Variants in CUX1 observed in about 807,000 individuals in gnomAD.
CUX1 encodes cut like homeobox 1, also known as protein CASP.
CUX1 carries 31 observed loss-of-function variants against 158.8 expected under a neutral mutation model. The ratio of observed to expected loss-of-function variants is 0.20; its 90% confidence interval spans 0.15 to 0.26. The LOEUF is 0.26. CUX1 is among the 10% of genes least tolerant of loss of function. The pLI is 1.00. For synonymous variants in CUX1, 879 were observed against 862.1 expected (o/e 1.02, Z -0.34); for missense variants, 1,589 against 2,014.6 (o/e 0.79, Z 4.04).
intron 3 of CUX1, among the ~76,000 whole-genome samples, chr7:102,036,487 C>T (rs1821433289): frequency 2.0e-5 from 3 of 152,082 alleles, no homozygotes; most frequent in African/African-American, 7.2e-5. Context: ...TACCCGTAAT[C>T]CCAGCACTTT....
chr7:101,834,911 T>A (rs957666090), intron 1 of CUX1, among the ~76,000 whole-genome samples: 21 of 151,956 alleles, frequency 1.4e-4, no homozygotes, highest in African/African-American at 4.6e-4. Context: ...CAGGAGAATC[T>A]CTTGAACCCG....
At chr7:102,220,408 T>C (rs1211787431) in intron 20 of CUX1, among the ~76,000 whole-genome samples, 1 of 152,188 alleles carries the variant, frequency 6.6e-6, no homozygotes, top group Non-Finnish European at 1.5e-5. Context: ...TGTTCCCCTT[T>C]GATGCTGAGA....
chr7:101,817,444 G>C, upstream of CUX1: 1 of 984,270 alleles, frequency 1.0e-6, no homozygotes, highest in Non-Finnish European at 1.2e-6. This position sits in a 1 kb window ranked among gnomAD's most constrained non-coding sequence, Gnocchi z 4.1. Context: ...GCGGTGGTCC[G>C]CGCGCGGAGT....
chr7:101,819,765 CTT>C (rs1377049145), intron 1 of CUX1, among the ~76,000 whole-genome samples: 2 of 152,042 alleles, frequency 1.3e-5, no homozygotes, highest in African/African-American at 4.8e-5. Flanking sequence ...ATGTGAAACT[CTT>C]TTTTTCCTTA....
At chr7:102,040,881 C>T (rs1821982646) in intron 3 of CUX1, among the ~76,000 whole-genome samples, 1 of 152,188 alleles carries the variant, frequency 6.6e-6, no homozygotes, top group Non-Finnish European at 1.5e-5. Flanking sequence ...AGATCCTCCC[C>T]CAAGGAGCTC....
At chr7:101,878,114 C>A (rs150314283) in intron 1 of CUX1, among the ~76,000 whole-genome samples, 141 of 152,340 alleles carry the variant, frequency 9.3e-4, no homozygotes, top group African/African-American at 3.3e-3. Context: ...AATGCTAATT[C>A]TTTCATGATT....
intron 2 of CUX1, among the ~76,000 whole-genome samples, chr7:101,974,245 G>A (rs1812374256): frequency 6.6e-6 from 1 of 151,978 alleles, no homozygotes; most frequent in Non-Finnish European, 1.5e-5. Flanking sequence ...AAGAACAAAT[G>A]ACTTGACCAT....
intron 1 of CUX1, among the ~76,000 whole-genome samples, chr7:101,857,568 C>A (rs1407813607): frequency 6.6e-6 from 1 of 152,144 alleles, no homozygotes; most frequent in African/African-American, 2.4e-5. Flanking sequence ...GATGAATTTG[C>A]TGGGTTACTT....
At chr7:102,161,461 T>C (rs1554507129) in intron 9 of CUX1, 2 of 152,082 alleles carry the variant, frequency 1.3e-5, no homozygotes. Context: ...TGGTGAGGGG[T>C]AGAGGTGAGT....
In CUX1 at chr7:102,201,888, G is replaced by T. The variant is rs748035791; in HGVS notation, c.2591G>T (p.Arg864Leu). Reference sequence around the variant, plus strand: ...GGCAGCGGAGGTGGCAGCCAGCCTCGGGCCGAGCGCAGTCAGCTCCAGGGA... The same window carrying T: ...GGCAGCGGAGGTGGCAGCCAGCCTCTGGCCGAGCGCAGTCAGCTCCAGGGA... Reference protein sequence around the residue: ...SGGSGGGSQPRAERSQLQGPS... With the variant: ...SGGSGGGSQPLAERSQLQGPS... Residue 864 changes from arginine (R) to leucine (L), a missense_variant, in exon 18 of 24, where the codon CGG becomes CTG. Around this residue, in one of 8 missense-constraint regions of CUX1, gnomAD observed 337 missense variants for 409.3 expected, o/e 0.82. Coordinates refer to ENST00000292535, the MANE Select transcript of CUX1 (RefSeq NM_181552.4). This position sits in a 1 kb window ranked among gnomAD's most constrained non-coding sequence, Gnocchi z 5.0. The T allele has an allele frequency of 1.9e-6, 3 of 1,613,610 alleles. No individual in the cohort carries two copies. The highest frequency in any genetic ancestry group is 2.5e-6 in the Non-Finnish European group (3 of 1,179,938).
chr7:101,830,171 C>T (rs1793822574), intron 1 of CUX1, among the ~76,000 whole-genome samples: 1 of 152,188 alleles, frequency 6.6e-6, no homozygotes, highest in South Asian at 2.1e-4. Context: ...ACTCTCCAAG[C>T]CCCTGGGAAA....
intron 1 of CUX1, among the ~76,000 whole-genome samples, chr7:101,855,338 G>A (rs1264106984): frequency 6.6e-6 from 1 of 152,186 alleles, no homozygotes; most frequent in African/African-American, 2.4e-5. Context: ...TGCCTGCCAG[G>A]GGGACCATGA....
chr7:102,253,254 G>A lies in CUX1; in HGVS notation c.*4212G>A. ...ATATTCCTTTCTGGCCACCGCCCAA[G>A]CCCAGGTGGCCAGCTCTCATACCCC... On this transcript the variant is annotated 3_prime_UTR_variant, in exon 24 of 24. Transcript: ENST00000292535. 1.0e-6 allele frequency: 1 copy of A among 985,562 alleles called. No homozygotes were observed. Among genetic ancestry groups the A allele is most frequent in the Non-Finnish European group, 1.2e-6 (1 of 830,026 alleles). 61.1% of individuals were successfully genotyped at this position (985,562 alleles called of 1,614,324 possible). A position where few individuals can be genotyped will look rare whatever the true frequency, so the allele number is the denominator to read the frequency against.
intron 2 of CUX1, among the ~76,000 whole-genome samples, chr7:101,925,031 A>G (rs1431611143): frequency 2.0e-5 from 3 of 152,192 alleles, no homozygotes; most frequent in Admixed American, 6.5e-5. Context: ...GAAAAGTGAA[A>G]AGCCCAGCCT....
At chr7:102,018,976 C>T (rs1036183884) in intron 2 of CUX1, among the ~76,000 whole-genome samples, 8 of 152,072 alleles carry the variant, frequency 5.3e-5, no homozygotes, top group Non-Finnish European at 4.4e-5. Context: ...TCTGGGGAGC[C>T]GGGAGTCCCC....
At chr7:102,064,491 C>T (rs928601016) in intron 3 of CUX1, among the ~76,000 whole-genome samples, 16 of 152,038 alleles carry the variant, frequency 1.1e-4, no homozygotes, top group African/African-American at 3.9e-4. Context: ...TCACAGATCC[C>T]TCCCCTTCTC....
chr7:101,983,362 A>G (rs1008535381), intron 2 of CUX1, among the ~76,000 whole-genome samples: 2 of 152,094 alleles, frequency 1.3e-5, no homozygotes, highest in Non-Finnish European at 2.9e-5. Flanking sequence ...AACTTCTCTA[A>G]CACCCCTCCC....
chr7:102,223,663 A>G (rs1447233754), intron 20 of CUX1, among the ~76,000 whole-genome samples: 7 of 152,118 alleles, frequency 4.6e-5, no homozygotes, highest in African/African-American at 1.7e-4. Flanking sequence ...GCAATTAAAA[A>G]TAATAATAAA....
chr7:102,029,542 A>C (rs1283377667), intron 3 of CUX1, among the ~76,000 whole-genome samples: 2 of 152,170 alleles, frequency 1.3e-5, no homozygotes, highest in African/African-American at 4.8e-5. Context: ...TGAATGAAGG[A>C]GGCCAGGGCG....
Sources: allele counts gnomAD v4.1 joint callset (sites outside exome capture counted in the v4.1 genomes callset), GRCh38; gene constraint gnomAD v4.1.1; regional missense constraint gnomAD v4.1.1; non-coding constraint Gnocchi (gnomAD v3.1); transcripts MANE v1.5; gene names NCBI Gene and HGNC (gene_info 2026-07-23, HGNC 2026-07-21).